Variants in ANKRD17 observed in about 807,000 individuals in gnomAD.
ANKRD17 encodes ankyrin repeat domain 17.
Under a neutral mutation model 229.7 loss-of-function variants are expected in ANKRD17, and 19 were observed. The observed-to-expected ratio is 0.08, with a 90% CI of 0.06 to 0.12. The LOEUF is 0.12. Ranked by LOEUF, ANKRD17 falls within the 10% of genes least tolerant of loss-of-function variation. The probability of loss-of-function intolerance (pLI) is 1.00; values close to 1 mark genes in which losing one functional copy is unlikely to be tolerated. For missense variants in ANKRD17, 2,176 were observed against 3,176.8 expected (o/e 0.68, Z 7.57); for synonymous variants, 1,112 against 1,146.1 (o/e 0.97, Z 0.60).
intron 24 of ANKRD17, 128 bp downstream of exon 24, chr4:73,113,664 T>G: frequency 1.2e-6 from 1 of 805,742 alleles, no homozygotes; most frequent in South Asian, 1.7e-5. Context: ...TTGAGCCAAA[T>G]GTAGAAAGAA....
Position 73,094,064 on chromosome 4 carries a change from G to A in ANKRD17, c.5327+15C>T. ...AATAAAATAAAGGAAGAAAATGTAA[G>A]AGACAAAGTTTTGCCTTATAGTGAT... On this transcript the variant is annotated intron_variant, in intron 28 of 33. Transcript: ENST00000358602. 1 of 1,611,328 alleles carries A rather than the reference G, an allele frequency of 6.2e-7. No homozygotes were observed.
intron 1 of ANKRD17, among the ~76,000 whole-genome samples, chr4:73,240,007 T>G (rs893029551): frequency 1.3e-5 from 2 of 152,168 alleles, no homozygotes; most frequent in Admixed American, 6.5e-5. Context: ...AAGTTTTAAA[T>G]TACTCCTAGT....
chr4:73,115,990 T>C, intron 22 of ANKRD17, 74 bp from the exon 23 acceptor site: 2 of 1,271,494 alleles, frequency 1.6e-6, no homozygotes, highest in Non-Finnish European at 2.3e-6. Flanking sequence ...GAACTAACTT[T>C]AACAGTTAAG....
intron 25 of ANKRD17, among the ~76,000 whole-genome samples, chr4:73,099,866 G>A (rs112383999): frequency 7.3e-4 from 111 of 152,266 alleles, no homozygotes; most frequent in African/African-American, 2.5e-3. Context: ...ACACATTGCG[G>A]TGATGGAGAT....
At chr4:73,078,995 G>A in intron 30 of ANKRD17, 105 bp from the exon 31 acceptor site, 1 of 1,289,564 alleles carries the variant, frequency 7.8e-7, no homozygotes, top group Middle Eastern at 2.6e-4. Flanking sequence ...TATATTCTCA[G>A]AAAAACAAAG....
intron 1 of ANKRD17, among the ~76,000 whole-genome samples, chr4:73,211,799 A>G (rs1304252537): frequency 2.0e-5 from 3 of 148,340 alleles, no homozygotes; most frequent in Non-Finnish European, 3.0e-5. Context: ...GTGAGCTGAG[A>G]TGGTGCCATT....
At chr4:73,230,080 A>T (rs969076841) in intron 1 of ANKRD17, among the ~76,000 whole-genome samples, 2 of 152,142 alleles carry the variant, frequency 1.3e-5, no homozygotes, top group African/African-American at 4.8e-5. Flanking sequence ...AATTTTGATG[A>T]TTACATTTAA....
intron 1 of ANKRD17, among the ~76,000 whole-genome samples, chr4:73,206,197 C>A (rs181977105): frequency 6.6e-6 from 1 of 152,032 alleles, no homozygotes; most frequent in East Asian, 1.9e-4. Flanking sequence ...AAATTGAAAA[C>A]AGAACTACCA....
chr4:73,100,493 C>T (rs578020068), intron 25 of ANKRD17, among the ~76,000 whole-genome samples: 138 of 149,736 alleles, frequency 9.2e-4, no homozygotes, highest in African/African-American at 2.6e-3. Flanking sequence ...ATCCTTTTCT[C>T]GGAGAAAAAA....
At chr4:73,170,528 T>A (rs369633614) in intron 2 of ANKRD17, among the ~76,000 whole-genome samples, 1 of 148,790 alleles carries the variant, frequency 6.7e-6, no homozygotes, top group South Asian at 2.2e-4. Context: ...GACAGCACAG[T>A]TGGGGTCGGG....
intron 16 of ANKRD17, among the ~76,000 whole-genome samples, chr4:73,127,867 A>T (rs1181949124): frequency 6.6e-6 from 1 of 152,224 alleles, no homozygotes; most frequent in Non-Finnish European, 1.5e-5. Flanking sequence ...AAATTCCATT[A>T]TAAGAAATGA....
At chr4:73,244,742 T>C (rs1452213715) in intron 1 of ANKRD17, among the ~76,000 whole-genome samples, 1 of 152,190 alleles carries the variant, frequency 6.6e-6, no homozygotes, top group African/African-American at 2.4e-5. Flanking sequence ...AATGACACGC[T>C]GCTCTAACAA....
At chr4:73,229,494 A>G (rs549146697) in intron 1 of ANKRD17, among the ~76,000 whole-genome samples, 5 of 152,164 alleles carry the variant, frequency 3.3e-5, no homozygotes, top group African/African-American at 1.2e-4. Flanking sequence ...CTTTTCAAGA[A>G]TCACAAATCA....
intron 14 of ANKRD17, 79 bp from the exon 15 acceptor site, chr4:73,140,362 C>A: frequency 6.8e-7 from 1 of 1,459,858 alleles, no homozygotes; most frequent in South Asian, 1.4e-5. Flanking sequence ...AGGTTTAGTG[C>A]CAACAGTTAT....
At chr4:73,157,684 C>T (rs531740187) in intron 3 of ANKRD17, among the ~76,000 whole-genome samples, 2 of 152,198 alleles carry the variant, frequency 1.3e-5, no homozygotes, top group African/African-American at 2.4e-5. Context: ...AGACCAACAT[C>T]TTTGTCTCAG....
At chr4:73,125,648 G>A (rs376089794) in intron 16 of ANKRD17, among the ~76,000 whole-genome samples, 1 of 150,374 alleles carries the variant, frequency 6.7e-6, no homozygotes, top group Non-Finnish European at 1.5e-5. Context: ...CAGAAGAATC[G>A]CTTGAACCTG....
intron 1 of ANKRD17, among the ~76,000 whole-genome samples, chr4:73,192,895 C>T (rs1453390285): frequency 6.6e-6 from 1 of 152,148 alleles, no homozygotes; most frequent in Non-Finnish European, 1.5e-5. Context: ...ATTATGTTCT[C>T]TTCTTTTAAT....
intron 1 of ANKRD17, among the ~76,000 whole-genome samples, chr4:73,249,757 G>A (rs983610258): frequency 9.2e-5 from 14 of 152,240 alleles, no homozygotes; most frequent in Admixed American, 2.0e-4. Flanking sequence ...CTGGGAGGCT[G>A]AGGCAGAAGA....
intron 27 of ANKRD17, among the ~76,000 whole-genome samples, chr4:73,095,369 G>A (rs1333994929): frequency 2.6e-5 from 4 of 151,982 alleles, no homozygotes; most frequent in African/African-American, 4.8e-5. Context: ...GGGAAGCCAA[G>A]GTGGGTGGTC....
Sources: allele counts gnomAD v4.1 joint callset (sites outside exome capture counted in the v4.1 genomes callset), GRCh38; gene constraint gnomAD v4.1.1; transcripts MANE v1.5; gene names NCBI Gene and HGNC (gene_info 2026-07-23, HGNC 2026-07-21).